Variants in MATN2 observed in about 807,000 individuals in gnomAD.
MATN2 encodes the protein matrilin 2, also known as matrilin-2.
In MATN2, 69 loss-of-function variants were observed where a neutral mutation model predicts 103.2. That is an observed-to-expected ratio of 0.67 (90% confidence interval 0.55 to 0.82). The LOEUF is 0.82. Among genes scored for constraint, MATN2 ranks in the 40% least tolerant of loss-of-function variants. The pLI, the probability that MATN2 is intolerant of heterozygous loss-of-function variation, is 0.00. For missense variants in MATN2, 1,023 were observed against 1,211.5 expected, an observed-to-expected ratio of 0.84 and a Z score of 2.31; for synonymous variants, 429 against 450.2, an observed-to-expected ratio of 0.95 and a Z score of 0.60.
intron 2 of MATN2, among the ~76,000 whole-genome samples, chr8:97,905,238 T>C (rs1390647122): frequency 6.6e-6 from 1 of 152,232 alleles, no homozygotes; most frequent in Non-Finnish European, 1.5e-5. Flanking sequence ...AAAATATACA[T>C]AAGATAAAAT....
chr8:97,891,222 C>G (rs746617970), intron 2 of MATN2, among the ~76,000 whole-genome samples: 25 of 152,216 alleles, frequency 1.6e-4, no homozygotes, highest in Non-Finnish European at 2.6e-4. Context: ...AAAGTAGAGG[C>G]ATAGCTACAT....
At chr8:98,011,567 C>T (rs137994527) in intron 10 of MATN2, among the ~76,000 whole-genome samples, 3 of 152,318 alleles carry the variant, frequency 2.0e-5, no homozygotes, top group African/African-American at 7.2e-5. Context: ...CATCTCAGTT[C>T]AGCTGCTTCT....
intron 2 of MATN2, among the ~76,000 whole-genome samples, chr8:97,917,730 G>A (rs146569162): frequency 1.1e-3 from 162 of 152,304 alleles, no homozygotes; most frequent in African/African-American, 3.8e-3. Context: ...TCAGTAGTTG[G>A]TCAAGAAGTA....
At chr8:97,943,360 A>C in intron 4 of MATN2, among the ~76,000 whole-genome samples, 1 of 150,896 alleles carries the variant, frequency 6.6e-6, no homozygotes, top group African/African-American at 2.4e-5. Flanking sequence ...GCTTCCCACC[A>C]TCTTGCCCAC....
intron 2 of MATN2, among the ~76,000 whole-genome samples, chr8:97,924,143 T>A (rs1277065872): frequency 6.6e-6 from 1 of 152,234 alleles, no homozygotes; most frequent in Non-Finnish European, 1.5e-5. Context: ...TCGTTCTCGT[T>A]TGGCTACATG....
At chr8:97,914,791 G>A (rs1809567117) in intron 2 of MATN2, among the ~76,000 whole-genome samples, 1 of 152,064 alleles carries the variant, frequency 6.6e-6, no homozygotes, top group South Asian at 2.1e-4. Context: ...CTCTGTTCTG[G>A]CCTCCAGCTT....
rs1809964880 is a variant in MATN2, at chr8:97,925,640, C to G, written c.143-5313C>G. Among the ~76,000 whole-genome samples the G allele has an allele frequency of 2.0e-5, 3 of 152,128 alleles. No homozygotes were observed. The South Asian group carries it at 6.2e-4, about 32-fold the overall frequency. On this transcript the variant is annotated intron_variant, in intron 2 of 18. Transcript: ENST00000254898. ...TTATTTTCTCTTTTGAGTCTCACAACAGTATTGTAAGGTATTATTATCCCT... is the reference window on the plus strand; with the variant it reads ...TTATTTTCTCTTTTGAGTCTCACAAGAGTATTGTAAGGTATTATTATCCCT...
chr8:97,915,835 C>T (rs932398637), intron 2 of MATN2, among the ~76,000 whole-genome samples: 11 of 152,076 alleles, frequency 7.2e-5, no homozygotes, highest in African/African-American at 2.7e-4. Flanking sequence ...GTGCTTTCTG[C>T]ACTCTCTTGT....
chr8:98,003,833 T>C lies in MATN2; in HGVS notation c.1327+50T>C, dbSNP rs758674354. 10 of 1,596,276 alleles carry C rather than the reference T, an allele frequency of 6.3e-6. 1 individual carries two copies. The highest frequency in any genetic ancestry group is 3.4e-5 in the Admixed American group (2 of 59,672). On this transcript the variant is annotated intron_variant, in intron 8 of 18. Transcript: ENST00000254898. Reference sequence around the variant, plus strand: ...GCTGATGGAAGGTGGGGTCCACTCATGGGGGCGGGCGGGTTCACTAGCAAC... The same window carrying C: ...GCTGATGGAAGGTGGGGTCCACTCACGGGGGCGGGCGGGTTCACTAGCAAC...
chr8:97,910,623 G>A (rs182355299), intron 2 of MATN2, among the ~76,000 whole-genome samples: 6 of 152,346 alleles, frequency 3.9e-5, no homozygotes, highest in East Asian at 3.9e-4. Context: ...GAACTTTCAC[G>A]TAATATAAAG....
rs368705009 is a variant in MATN2, at chr8:97,874,968, G to A, written c.-27+5681G>A. On this transcript the variant is annotated intron_variant, in intron 1 of 18. Transcript: ENST00000254898. Reference sequence around the variant, plus strand: ...TTTGACCTTGTGATCTGTCCGCCTCGACCTCCCAAAATGCTGGGATTACAG... The same window carrying A: ...TTTGACCTTGTGATCTGTCCGCCTCAACCTCCCAAAATGCTGGGATTACAG... Among the ~76,000 whole-genome samples the A allele has an allele frequency of 2.4e-3, 372 of 151,920 alleles. 2 individuals are homozygous for A. Among genetic ancestry groups the A allele is most frequent in the South Asian group, 0.017 (79 of 4,784 alleles).
At chr8:97,900,601 C>T (rs377564649) in intron 2 of MATN2, among the ~76,000 whole-genome samples, 7 of 152,106 alleles carry the variant, frequency 4.6e-5, no homozygotes, top group Non-Finnish European at 7.3e-5. Context: ...CACTGGGGCT[C>T]GCTTGTTCCA....
chr8:97,882,550 G>T (rs1818288914), intron 1 of MATN2, among the ~76,000 whole-genome samples: 1 of 151,682 alleles, frequency 6.6e-6, no homozygotes, highest in Admixed American at 6.6e-5. Flanking sequence ...TTCTTCCTTT[G>T]TGCCACCATG....
chr8:97,890,778 C>G (rs934418222), intron 2 of MATN2, among the ~76,000 whole-genome samples: 3 of 152,178 alleles, frequency 2.0e-5, no homozygotes, highest in African/African-American at 4.8e-5. Flanking sequence ...GTTATGGCAT[C>G]CACTGGCATG....
chr8:97,926,483 G>T (rs1809994272), intron 2 of MATN2, among the ~76,000 whole-genome samples: 5 of 152,156 alleles, frequency 3.3e-5, no homozygotes, highest in Admixed American at 3.3e-4. Flanking sequence ...ATTTCCTAAG[G>T]GTGCCTGCCA....
At chr8:97,908,527 G>C (rs1455177546) in intron 2 of MATN2, among the ~76,000 whole-genome samples, 2 of 152,192 alleles carry the variant, frequency 1.3e-5, no homozygotes, top group African/African-American at 2.4e-5. Context: ...TATACTGAAT[G>C]AATGAGTGAG....
intron 3 of MATN2, among the ~76,000 whole-genome samples, chr8:97,938,835 G>A (rs2513844): frequency 0.83 from 126,132 of 152,068 alleles, 52,826 homozygotes; most frequent in Middle Eastern, 0.89. Context: ...TAATCAATAC[G>A]TAGCCTTGTT....
intron 12 of MATN2, among the ~76,000 whole-genome samples, chr8:98,020,758 G>T (rs6986891): frequency 0.42 from 64,022 of 151,984 alleles, 14,584 homozygotes; most frequent in Non-Finnish European, 0.53. Context: ...GCTCTCTGAG[G>T]ATCTAATTCT....
At chr8:97,886,121 C>A (rs1368511311) in intron 1 of MATN2, among the ~76,000 whole-genome samples, 1 of 152,056 alleles carries the variant, frequency 6.6e-6, no homozygotes, top group Non-Finnish European at 1.5e-5. Flanking sequence ...ATGAACTGCA[C>A]ACTCCTTATG....
Sources: gnomAD v4.1 joint callset for allele counts (sites outside exome capture counted in the v4.1 genomes callset) on GRCh38, gnomAD v4.1.1 for gene constraint, MANE v1.5 for transcripts, NCBI Gene and HGNC (gene_info 2026-07-23, HGNC 2026-07-21) for gene names.